Variants in COL2A1 observed in about 807,000 individuals in gnomAD.
COL2A1 encodes the protein collagen alpha-1(II) chain.
Under a neutral mutation model 204.5 loss-of-function variants are expected in COL2A1, and 28 were observed. That is an observed-to-expected ratio of 0.14 (90% CI 0.10 to 0.19). The LOEUF (loss-of-function observed/expected upper bound fraction) is 0.19, where lower values mean the gene tolerates loss of function less well. COL2A1 is among the 10% of genes least tolerant of loss of function. The probability of loss-of-function intolerance (pLI) is 1.00; values close to 1 mark genes in which losing one functional copy is unlikely to be tolerated. For synonymous variants in COL2A1, 708 were observed against 718.7 expected (o/e 0.99, Z 0.24); for missense variants, 1,388 against 2,027.5 (o/e 0.68, Z 6.06).
chr12:47,986,681 C>T (rs960639786), intron 22 of COL2A1, among the ~76,000 whole-genome samples, 154 bp downstream of exon 22: 1 of 152,230 alleles, frequency 6.6e-6, no homozygotes, highest in African/African-American at 2.4e-5. Context: ...TCTGGGCCTT[C>T]TCAGCCCTGT....
intron 6 of COL2A1, 23 bp from the exon 7 acceptor site, chr12:47,997,730 A>G (rs1488150373): frequency 5.0e-6 from 8 of 1,614,036 alleles, no homozygotes; most frequent in Non-Finnish European, 6.8e-6. Context: ...AGAAAAAGGC[A>G]TCAATGGGAA....
chr12:47,977,351 G>T lies in COL2A1; in HGVS notation c.3242C>A (p.Pro1081Gln). Reference sequence around the variant, plus strand: ...TCCTCTGTCTCCTTGCTTGCCAGTTGGACCAGCGGGGCCAGGGGAGCCAGG... The same window carrying T: ...TCCTCTGTCTCCTTGCTTGCCAGTTTGACCAGCGGGGCCAGGGGAGCCAGG... The part of the protein sequence containing the change: ...GPPGSPGPAG[P>Q]TGKQGDRGEA... The change falls in exon 46 of 54, where the codon CCA (proline) becomes CAA (glutamine). Residue 1081 changes from proline (P) to glutamine (Q), a missense_variant. Coordinates refer to ENST00000380518, the MANE Select transcript of COL2A1 (RefSeq NM_001844.5). The T allele has an allele frequency of 6.2e-7, 1 of 1,613,616 alleles. No individual in the cohort carries two copies. Among genetic ancestry groups the T allele is most frequent in the Non-Finnish European group, 8.5e-7 (1 of 1,179,576 alleles).
intron 46 of COL2A1, 75 bp downstream of exon 46, chr12:47,977,245 A>T: frequency 6.3e-7 from 1 of 1,585,658 alleles, no homozygotes; most frequent in Non-Finnish European, 8.7e-7. Flanking sequence ...TAGTCCAGAG[A>T]CTGCGGAAAC....
chr12:47,982,820 G>A, intron 33 of COL2A1, 28 bp downstream of exon 33: 1 of 1,584,472 alleles, frequency 6.3e-7, no homozygotes, highest in Non-Finnish European at 8.6e-7. Flanking sequence ...CTACCACGAA[G>A]ACCCCTACAG....
chr12:47,996,582 C>A lies in COL2A1; in HGVS notation c.575G>T (p.Gly192Val). 6.2e-7 allele frequency: 1 copy of A among 1,614,216 alleles called. No homozygotes were observed. The highest frequency in any genetic ancestry group is 8.5e-7 in the Non-Finnish European group (1 of 1,180,032). ...TTGCATTACTCCCAACTGGGCGCCA[C>A]CAGCCTTTTCATCAAATCCTCCAGC... ...QMAGGFDEKA[G>V]GAQLGVMQGP... The change falls in exon 8 of 54, where the codon GGT (glycine) becomes GTT (valine). Residue 192 changes from glycine to valine, a missense_variant. Gly to Val is a moderately radical substitution (Grantham distance 109, BLOSUM62 -3). Coordinates refer to ENST00000380518, the MANE Select transcript of COL2A1 (RefSeq NM_001844.5).
chr12:48,004,110 C>T (rs753362175), intron 1 of COL2A1, 127 bp downstream of exon 1: 1 of 718,442 alleles, frequency 1.4e-6, no homozygotes, highest in East Asian at 2.7e-5. Context: ...CCTAAGTCGG[C>T]GCGCTACGAC....
In COL2A1 at chr12:47,980,254, C is replaced by T. The variant is rs1205588406; in HGVS notation, c.2626-192G>A. ...CAGGAGACTTGTGTTCTAGGAGAAG[C>T]CTGTCAGGCAACCACAGAACCGGTC... On this transcript the variant is annotated intron_variant, in intron 39 of 53. Coordinates refer to ENST00000380518, the MANE Select transcript of COL2A1 (RefSeq NM_001844.5). This position sits in a 1 kb window ranked among gnomAD's most constrained non-coding sequence, Gnocchi z 4.5. Among the ~76,000 whole-genome samples, 1 of 152,188 alleles carries T rather than the reference C, an allele frequency of 6.6e-6. No individual in the cohort carries two copies. The highest frequency in any genetic ancestry group is 1.5e-5 in the Non-Finnish European group (1 of 68,022).
At chr12:47,975,647 G>A in intron 50 of COL2A1, 42 bp from the exon 51 acceptor site, 2 of 1,588,894 alleles carry the variant, frequency 1.3e-6, no homozygotes, top group South Asian at 1.1e-5. Flanking sequence ...TTGTGTGAAA[G>A]TGCCCCTCCA....
Position 47,977,151 on chromosome 12 carries a change from G to T in COL2A1, c.3278C>A (p.Ala1093Glu). ...GKQGDRGEAGAQGPMGPSGPA... is the reference protein window; with the variant it reads ...GKQGDRGEAGEQGPMGPSGPA... ...TCCTGAGGGTCCCATGGGGCCTTGT[G>T]CACCCTGAGGAGAGAGTGAGCGCAG... is the stretch of plus-strand genomic sequence containing the variant. The change falls in exon 47 of 54, where the codon GCA becomes GAA. Residue 1093 changes from alanine to glutamate, a missense_variant. Coordinates refer to ENST00000380518, the MANE Select transcript of COL2A1 (RefSeq NM_001844.5). The T allele has an allele frequency of 6.2e-7, 1 of 1,611,032 alleles. No homozygotes were observed. The highest frequency in any genetic ancestry group is 8.5e-7 in the Non-Finnish European group (1 of 1,178,952).
Position 47,973,684 on chromosome 12 carries a change from T to C in COL2A1, c.4318-131A>G. ...CAAGGTTGAACCACACTGAGGGGGC[T>C]CCTGAGACCTCTTCTTGGCTTGCCA... On this transcript the variant is annotated intron_variant, in intron 53 of 53. Transcript: ENST00000380518. 4 of 1,024,988 alleles carry C rather than the reference T, an allele frequency of 3.9e-6. No individual in the cohort carries two copies. In the East Asian group the frequency reaches 1.0e-4, roughly 26 times the overall value. 63.5% of individuals were successfully genotyped at this position (1,024,988 alleles called of 1,614,324 possible).
At chr12:48,001,161 G>A (rs1940213931) in intron 1 of COL2A1, 2 of 152,400 alleles carry the variant, frequency 1.3e-5, no homozygotes, top group East Asian at 1.9e-4. Flanking sequence ...CCCGCACCAC[G>A]TGCTAGGGAG....
chr12:47,993,795 T>G lies in COL2A1; in HGVS notation c.924+14A>C, dbSNP rs1475810942. The G allele has an allele frequency of 6.2e-7, 1 of 1,613,988 alleles. No individual in the cohort carries two copies. The highest frequency in any genetic ancestry group is 8.5e-7 in the Non-Finnish European group (1 of 1,179,880). Reference sequence around the variant, plus strand: ...TCCCTCCTCCCCATCCCATTGTACTTTCTGGCCTCTCACCTTCACACCAGG... The same window carrying G: ...TCCCTCCTCCCCATCCCATTGTACTGTCTGGCCTCTCACCTTCACACCAGG... On this transcript the variant is annotated intron_variant, in intron 14 of 53. Transcript: ENST00000380518.
At chr12:47,996,060 C>T in intron 8 of COL2A1, 141 bp from the exon 9 acceptor site, 1 of 696,106 alleles carries the variant, frequency 1.4e-6, no homozygotes, top group Non-Finnish European at 2.6e-6. Context: ...GCTGCTCCCT[C>T]TCATTTCCCA....
rs1938985894 is a variant in COL2A1 at position 47,980,371 on chromosome 12, G to A, written c.2625+183C>T. Among the ~76,000 whole-genome samples, 1 of 152,088 alleles carries A rather than the reference G, an allele frequency of 6.6e-6. No individual in the cohort carries two copies. Among genetic ancestry groups the A allele is most frequent in the Non-Finnish European group, 1.5e-5 (1 of 68,008 alleles). The stretch of plus-strand genomic sequence containing the variant: ...GGTTCTGGCTGGCTGTGGCCAGCCT[G>A]TACTCTGTCAGTCCCTACACCCCAC... On this transcript the variant is annotated intron_variant, in intron 39 of 53. Coordinates refer to ENST00000380518, the MANE Select transcript of COL2A1 (RefSeq NM_001844.5). The surrounding 1 kb of genome is among the most constrained non-coding windows in gnomAD (Gnocchi z 4.5).
rs754100867 is a variant in COL2A1, at chr12:47,980,446, G to A, written c.2625+108C>T. 5.0e-5 allele frequency: 51 copies of A among 1,014,436 alleles called. No individual in the cohort carries two copies. The highest frequency in any genetic ancestry group is 7.4e-5 in the Non-Finnish European group (49 of 658,944). The allele number at this position is 1,014,436 out of a possible 1,614,324, so 62.8% of individuals were successfully genotyped here. ...AAGCTCCTTCTACCAACATGGGGGT[G>A]TTCCCAGGCCTGCGAACCATCCTCT... On this transcript the variant is annotated intron_variant, in intron 39 of 53. Coordinates refer to ENST00000380518, the MANE Select transcript of COL2A1 (RefSeq NM_001844.5). This position sits in a 1 kb window ranked among gnomAD's most constrained non-coding sequence, Gnocchi z 4.5.
At position 47,993,204 on chromosome 12, in the gene COL2A1, T is replaced by A. The variant is rs551738045; in HGVS notation, c.969+254A>T. Among the ~76,000 whole-genome samples the A allele has an allele frequency of 1.6e-4, 25 of 152,348 alleles. No homozygotes were observed. In the South Asian group the frequency reaches 5.2e-3, roughly 32 times the overall value. Reference sequence around the variant, plus strand: ...AGCACACCTTGCTCCTTGCAGTAGATGAGCTTGACAAAATGTTGAGACTCA... The same window carrying A: ...AGCACACCTTGCTCCTTGCAGTAGAAGAGCTTGACAAAATGTTGAGACTCA... On this transcript the variant is annotated intron_variant, in intron 15 of 53. Transcript: ENST00000380518.
intron 44 of COL2A1, 115 bp downstream of exon 44, chr12:47,977,895 A>G: frequency 9.2e-7 from 1 of 1,081,810 alleles, no homozygotes. Flanking sequence ...GTCGGCCGAC[A>G]CTGCCACCCC....
intron 16 of COL2A1, 91 bp from the exon 17 acceptor site, chr12:47,989,896 A>T (rs1490401825): frequency 7.9e-7 from 1 of 1,272,722 alleles, no homozygotes; most frequent in East Asian, 2.3e-5. Flanking sequence ...CGAAGGACAC[A>T]CTGTGCCTGG....
intron 35 of COL2A1, 31 bp downstream of exon 35, chr12:47,982,076 C>A: frequency 6.2e-7 from 1 of 1,610,152 alleles, no homozygotes; most frequent in Non-Finnish European, 8.5e-7. Context: ...GATCCTAATG[C>A]CCAGCAGTCC....
Sources: gnomAD v4.1 joint callset for allele counts (sites outside exome capture counted in the v4.1 genomes callset) on GRCh38, gnomAD v4.1.1 for gene constraint, Gnocchi (gnomAD v3.1) non-coding constraint, MANE v1.5 for transcripts, NCBI Gene and HGNC (gene_info 2026-07-23, HGNC 2026-07-21) for gene names.